Variants in DAB1 observed in about 807,000 individuals in gnomAD.
DAB1 encodes DAB adaptor protein 1.
In DAB1, 15 loss-of-function variants were observed where a neutral mutation model predicts 64.6. The ratio of observed to expected loss-of-function variants is 0.23; its 90% CI spans 0.16 to 0.36. The LOEUF (loss-of-function observed/expected upper bound fraction) is 0.36. Ranked by LOEUF, DAB1 falls within the 10% of genes least tolerant of loss-of-function variation. DAB1 has a pLI of 1.00. For missense variants in DAB1, 596 were observed against 706.7 expected, an observed-to-expected ratio of 0.84 and a Z score of 1.78; for synonymous variants, 235 against 251.9, an observed-to-expected ratio of 0.93 and a Z score of 0.64.
At chr1:58,031,980 T>G (rs1570252033) in intron 5 of DAB1, among the ~76,000 whole-genome samples, 2 of 146,826 alleles carry the variant, frequency 1.4e-5, no homozygotes, top group East Asian at 2.0e-4. Context: ...CTGCAAGTAC[T>G]GATAGAAACG....
intron 7 of DAB1, among the ~76,000 whole-genome samples, chr1:57,547,821 C>T (rs893700728): frequency 2.0e-5 from 3 of 152,220 alleles, no homozygotes; most frequent in South Asian, 4.1e-4. Context: ...AACTGAGTGA[C>T]GAGTACATGG....
intron 1 of DAB1, among the ~76,000 whole-genome samples, chr1:57,839,814 T>A (rs756778965): frequency 1.3e-5 from 2 of 152,134 alleles, no homozygotes; most frequent in Non-Finnish European, 2.9e-5. Context: ...GTGGAAAAGG[T>A]TTTGCATTTT....
intron 5 of DAB1, among the ~76,000 whole-genome samples, chr1:57,925,416 C>T (rs969461654): frequency 2.6e-5 from 4 of 152,174 alleles, no homozygotes; most frequent in African/African-American, 9.7e-5. Flanking sequence ...ACGCTTCATA[C>T]AGAATTTATG....
Position 58,427,872 on chromosome 1 carries a change from C to G in DAB1, n.257+78188G>C, listed in dbSNP as rs146095566. The stretch of plus-strand genomic sequence containing the variant: ...CTCAGCCAGCGTGAAGAGGTTTACA[C>G]CAGCCAAAGATGGGACAATTCATTC... On this transcript the variant is annotated intron_variant and non_coding_transcript_variant, in intron 3 of 20. Coordinates refer to the DAB1 transcript ENST00000485760. Among the ~76,000 whole-genome samples the G allele has an allele frequency of 2.1e-3, 314 of 152,238 alleles. 2 individuals are homozygous for G. Among genetic ancestry groups the G allele is most frequent in the African/African-American group, 7.3e-3 (304 of 41,560 alleles).
At chr1:57,056,581 T>G (rs972936332) in intron 9 of DAB1, among the ~76,000 whole-genome samples, 3 of 149,744 alleles carry the variant, frequency 2.0e-5, no homozygotes, top group Admixed American at 2.0e-4. Context: ...TCAGCAGAAG[T>G]GGGCTTGGCA....
chr1:57,181,035 T>C (rs1221483524), intron 2 of DAB1, among the ~76,000 whole-genome samples: 2 of 152,202 alleles, frequency 1.3e-5, no homozygotes, highest in African/African-American at 4.8e-5. Flanking sequence ...ATCATGTGTG[T>C]GGGCATCTTT....
chr1:57,707,643 T>C (rs537765551), intron 6 of DAB1, among the ~76,000 whole-genome samples: 1 of 152,326 alleles, frequency 6.6e-6, no homozygotes, highest in South Asian at 2.1e-4. Flanking sequence ...TGTGTCCATA[T>C]ATCTAAGTAT....
At chr1:57,939,032 C>T (rs970868863) in intron 5 of DAB1, among the ~76,000 whole-genome samples, 3 of 152,066 alleles carry the variant, frequency 2.0e-5, no homozygotes, top group Non-Finnish European at 4.4e-5. Flanking sequence ...AGCAGAACAC[C>T]GTAGACAGGG....
chr1:58,129,099 G>C (rs1182894829), intron 5 of DAB1, among the ~76,000 whole-genome samples: 1 of 148,446 alleles, frequency 6.7e-6, no homozygotes, highest in South Asian at 2.2e-4. Flanking sequence ...GACTCTTTTT[G>C]GTTGGTAAGC....
chr1:58,343,931 T>C (rs1032410746), intron 3 of DAB1, among the ~76,000 whole-genome samples: 1 of 152,220 alleles, frequency 6.6e-6, no homozygotes, highest in African/African-American at 2.4e-5. Flanking sequence ...GAGCACAGAA[T>C]GCATTGCTGA....
At chr1:58,361,863 CTTTTTT>C (rs34029239) in intron 3 of DAB1, among the ~76,000 whole-genome samples, 10,185 of 84,020 alleles carry the variant, frequency 0.12, 332 homozygotes, top group Middle Eastern at 0.29. Flanking sequence ...AAAGATCCCC[CTTTTTT>C]TTTTTTTTTT....
chr1:58,110,560 G>T (rs1651916374), intron 5 of DAB1, among the ~76,000 whole-genome samples: 1 of 152,162 alleles, frequency 6.6e-6, no homozygotes, highest in Admixed American at 6.5e-5. Context: ...AGAAGAAATT[G>T]AGGCCAGAGA....
chr1:57,540,902 T>G (rs1644794013), intron 7 of DAB1, among the ~76,000 whole-genome samples: 2 of 151,982 alleles, frequency 1.3e-5, no homozygotes, highest in African/African-American at 4.8e-5. Context: ...GTCCTAATGT[T>G]TAATAACACA....
chr1:58,002,400 G>A (rs117976169), intron 5 of DAB1, among the ~76,000 whole-genome samples: 1 of 152,196 alleles, frequency 6.6e-6, no homozygotes, highest in East Asian at 1.9e-4. Flanking sequence ...TAATTCTATA[G>A]TTCTTAAAGA....
intron 2 of DAB1, among the ~76,000 whole-genome samples, chr1:57,261,473 C>G (rs1012247387): frequency 4.6e-5 from 7 of 152,278 alleles, no homozygotes; most frequent in Middle Eastern, 3.4e-3. Context: ...TTACTCTGCT[C>G]TCTGCTCCCA....
At chr1:58,135,919 C>A (rs368980371) in intron 5 of DAB1, among the ~76,000 whole-genome samples, 22 of 152,034 alleles carry the variant, frequency 1.4e-4, no homozygotes, top group African/African-American at 5.3e-4. Context: ...CCAACTCCCT[C>A]TGTAGCCCTG....
intron 4 of DAB1, among the ~76,000 whole-genome samples, chr1:58,166,395 T>C (rs1229431655): frequency 6.6e-6 from 1 of 152,208 alleles, no homozygotes; most frequent in African/African-American, 2.4e-5. Flanking sequence ...AGATATTTGT[T>C]ACAAATAGAA....
chr1:58,133,335 G>A (rs1439119390), intron 5 of DAB1, among the ~76,000 whole-genome samples: 1 of 152,144 alleles, frequency 6.6e-6, no homozygotes, highest in Non-Finnish European at 1.5e-5. Context: ...ACCCTCAAAA[G>A]GTCACTCAGG....
At chr1:58,149,989 A>G in intron 5 of DAB1, among the ~76,000 whole-genome samples, 1 of 152,230 alleles carries the variant, frequency 6.6e-6, no homozygotes, top group East Asian at 1.9e-4. Flanking sequence ...ATTGTTACTC[A>G]AAAAGTAAGA....
Sources: allele counts gnomAD v4.1 joint callset (sites outside exome capture counted in the v4.1 genomes callset), GRCh38; gene constraint gnomAD v4.1.1; transcripts MANE v1.5; gene names NCBI Gene and HGNC (gene_info 2026-07-23, HGNC 2026-07-21).